Variants in EDA observed in about 807,000 individuals in gnomAD.
The protein encoded by EDA is ectodysplasin A, also known as ectodysplasin-A.
In EDA, 2 loss-of-function variants were observed where a neutral mutation model predicts 23.6. That is an observed-to-expected ratio of 0.08 (90% confidence interval 0.03 to 0.27). The LOEUF (loss-of-function observed/expected upper bound fraction) is 0.27, where lower values mean the gene tolerates loss of function less well. Ranked by LOEUF, EDA falls within the 10% of genes least tolerant of loss-of-function variation. The probability of loss-of-function intolerance (pLI) is 1.00; values close to 1 mark genes in which losing one functional copy is unlikely to be tolerated. For missense variants in EDA, 229 were observed against 324.2 expected, an observed-to-expected ratio of 0.71 and a Z score of 2.26; for synonymous variants, 131 against 132.0, an observed-to-expected ratio of 0.99 and a Z score of 0.05.
intron 1 of EDA, chrX:69,672,430 T>C (rs944887949): frequency 4.5e-5 from 5 of 111,818 alleles, no homozygotes; most frequent in Non-Finnish European, 9.4e-5. Flanking sequence ...TGGGGAATAG[T>C]GCTCTGGAGG....
intron 1 of EDA, among the ~76,000 whole-genome samples, chrX:69,653,525 G>A (rs1234422862): frequency 9.0e-6 from 1 of 111,182 alleles, no homozygotes; most frequent in African/African-American, 3.3e-5. Context: ...GAATAGGAGT[G>A]GTGAGAGAGG....
At chrX:69,766,651 C>T (rs2014479283) in intron 1 of EDA, among the ~76,000 whole-genome samples, 1 of 112,259 alleles carries the variant, frequency 8.9e-6, no homozygotes, top group African/African-American at 3.2e-5. Context: ...CATAGTATTC[C>T]ATGGTGTATA....
At chrX:69,896,547 T>G (rs1166160427) in intron 1 of EDA, among the ~76,000 whole-genome samples, 2 of 111,241 alleles carry the variant, frequency 1.8e-5, no homozygotes, top group African/African-American at 6.5e-5. Flanking sequence ...TGTACCATAT[T>G]ATTTCACACA....
At chrX:69,970,485 T>C (rs1207723169) in intron 2 of EDA, among the ~76,000 whole-genome samples, 1 of 111,939 alleles carries the variant, frequency 8.9e-6, no homozygotes, top group Admixed American at 9.5e-5. Context: ...GCTTTTTTTT[T>C]CAAGCACCTT....
chrX:69,742,793 G>A (rs1420715446), intron 1 of EDA, among the ~76,000 whole-genome samples: 1 of 110,834 alleles, frequency 9.0e-6, no homozygotes, highest in Non-Finnish European at 1.9e-5. Context: ...CAGTAAACTA[G>A]GGCAATAATT....
chrX:69,776,956 TAC>T (rs1175376664), intron 1 of EDA, among the ~76,000 whole-genome samples: 3 of 111,681 alleles, frequency 2.7e-5, no homozygotes, highest in Non-Finnish European at 5.7e-5. Flanking sequence ...TCCTGGAGAA[TAC>T]AGTTTTAAAA....
chrX:69,755,838 G>A (rs941751621), intron 1 of EDA, among the ~76,000 whole-genome samples: 5 of 112,643 alleles, frequency 4.4e-5, no homozygotes, highest in Non-Finnish European at 9.4e-5. Flanking sequence ...CGAGTGAGGC[G>A]CTGTGGGCAT....
At chrX:69,909,804 A>G (rs2018231779) in intron 1 of EDA, among the ~76,000 whole-genome samples, 1 of 112,575 alleles carries the variant, frequency 8.9e-6, no homozygotes, top group Non-Finnish European at 1.9e-5. Context: ...CTGTTTTATC[A>G]TTTAGGATGT....
chrX:69,941,827 T>G (rs2018762484), intron 1 of EDA, among the ~76,000 whole-genome samples: 1 of 111,484 alleles, frequency 9.0e-6, no homozygotes. Context: ...ATTACTTGTT[T>G]TATATTTTTG....
intron 1 of EDA, among the ~76,000 whole-genome samples, chrX:69,760,517 G>C (rs904313101): frequency 3.6e-5 from 4 of 111,665 alleles, no homozygotes; most frequent in African/African-American, 1.3e-4. Context: ...TTGTTATCCA[G>C]CCTCTTTTTC....
intron 1 of EDA, among the ~76,000 whole-genome samples, chrX:69,681,211 C>T (rs1443110759): frequency 9.0e-6 from 1 of 111,050 alleles, no homozygotes; most frequent in Non-Finnish European, 1.9e-5. Context: ...TGATGGGCTT[C>T]CCTTTGAGGG....
chrX:69,661,831 T>TA (rs757012861), intron 1 of EDA, among the ~76,000 whole-genome samples: 1 of 111,933 alleles, frequency 8.9e-6, no homozygotes, highest in African/African-American at 3.3e-5. Context: ...TAGTATTTTT[T>TA]AAAAAATACA....
intron 1 of EDA, among the ~76,000 whole-genome samples, chrX:69,827,060 G>A (rs191104842): frequency 1.2e-3 from 131 of 111,961 alleles, no homozygotes; most frequent in African/African-American, 4.1e-3. Context: ...AGTTTCTGCC[G>A]AGAGATCCGT....
At chrX:69,712,262 C>T (rs2012087537) in intron 1 of EDA, among the ~76,000 whole-genome samples, 1 of 111,334 alleles carries the variant, frequency 9.0e-6, no homozygotes, top group South Asian at 3.8e-4. Context: ...ATCCAGTAGT[C>T]ATTCATTCGG....
At chrX:69,966,337 T>A (rs2019172206) in intron 2 of EDA, among the ~76,000 whole-genome samples, 1 of 111,401 alleles carries the variant, frequency 9.0e-6, no homozygotes, top group African/African-American at 3.3e-5. Flanking sequence ...CCCAACACTT[T>A]GGGAGGCCGA....
chrX:69,987,476 A>G, intron 2 of EDA, among the ~76,000 whole-genome samples: 1 of 109,537 alleles, frequency 9.1e-6, no homozygotes, highest in East Asian at 2.9e-4. Context: ...CTGTCTTGGA[A>G]CTTGAAGAAC....
intron 1 of EDA, among the ~76,000 whole-genome samples, chrX:69,924,838 T>C: frequency 8.9e-6 from 1 of 111,814 alleles, no homozygotes; most frequent in Admixed American, 9.5e-5. Context: ...CAGTGGTTTG[T>C]AACAAGTTCT....
intron 1 of EDA, among the ~76,000 whole-genome samples, chrX:69,892,964 C>A (rs1482338786): frequency 1.8e-5 from 2 of 111,801 alleles, no homozygotes; most frequent in Non-Finnish European, 3.8e-5. Flanking sequence ...TCCATATTAG[C>A]TTTCTAATGC....
intron 1 of EDA, among the ~76,000 whole-genome samples, chrX:69,806,677 G>A (rs753159880): frequency 1.9e-4 from 21 of 110,755 alleles, no homozygotes; most frequent in Admixed American, 1.7e-3. Flanking sequence ...ACATGATATC[G>A]TACCTTGACT....
Sources: allele counts gnomAD v4.1 joint callset (sites outside exome capture counted in the v4.1 genomes callset), GRCh38; gene constraint gnomAD v4.1.1; transcripts MANE v1.5; gene names NCBI Gene and HGNC (gene_info 2026-07-23, HGNC 2026-07-21).